FAT3: variants seen among roughly 807,000 people sequenced by gnomAD.
The protein encoded by FAT3 is FAT atypical cadherin 3.
Under a neutral mutation model 310.2 loss-of-function variants are expected in FAT3, and 95 were observed. The ratio of observed to expected loss-of-function variants is 0.31; its 90% CI spans 0.26 to 0.36. The LOEUF is 0.36. Among genes scored for constraint, FAT3 ranks in the 10% least tolerant of loss-of-function variants. The pLI, the probability that FAT3 is intolerant of heterozygous loss-of-function variation, is 1.00. For missense variants in FAT3, 5,408 were observed against 5,715.6 expected (o/e 0.95, Z 1.74); for synonymous variants, 2,314 against 2,192.9 (o/e 1.06, Z -1.54).
chr11:92,668,122 G>C (rs771024864), intron 3 of FAT3, among the ~76,000 whole-genome samples: 3 of 152,154 alleles, frequency 2.0e-5, no homozygotes, highest in Non-Finnish European at 4.4e-5. Context: ...GTGTCTTTAT[G>C]ACTGGAAGGC....
chr11:92,768,333 A>G (rs1946372618), intron 6 of FAT3, among the ~76,000 whole-genome samples: 1 of 152,170 alleles, frequency 6.6e-6, no homozygotes, highest in Non-Finnish European at 1.5e-5. Flanking sequence ...TTTTATTTCC[A>G]TCCCCACATC....
intron 13 of FAT3, among the ~76,000 whole-genome samples, chr11:92,821,744 G>A (rs931208782): frequency 1.3e-5 from 2 of 152,128 alleles, no homozygotes; most frequent in African/African-American, 2.4e-5. Flanking sequence ...GTTCAAAAAC[G>A]TTAAGTGGCC....
intron 3 of FAT3, among the ~76,000 whole-genome samples, chr11:92,578,099 G>A (rs1201813224): frequency 2.0e-5 from 3 of 152,028 alleles, no homozygotes; most frequent in Admixed American, 6.6e-5. Context: ...TAAACTCTAC[G>A]TGTTGTGTTT....
intron 3 of FAT3, among the ~76,000 whole-genome samples, chr11:92,567,860 G>A (rs531301877): frequency 2.7e-5 from 4 of 149,320 alleles, no homozygotes; most frequent in African/African-American, 9.9e-5. Context: ...CACAGGAAGG[G>A]GAAGGGAACA....
At position 92,774,090 on chromosome 11, in the gene FAT3, T is replaced by G. The variant is rs145393950; in HGVS notation, c.4245T>G (p.Ile1415Met). ...AFDAEKGVGT[I>M]VIAKPLDAEQ... ...ATGCAGAGAAGGGTGTTGGGACAAT[T>G]GTCATCGCAAAACCTTTGGATGCAG... Residue 1415 changes from isoleucine to methionine, a missense_variant, in exon 7 of 28, where the codon ATT becomes ATG. Physicochemically the swap from Ile to Met is conservative, Grantham distance 10. This residue lies in a region of FAT3 where 4,588 missense variants were observed against 4,809.8 expected (regional missense o/e 0.95). Coordinates refer to ENST00000525166, the MANE Select transcript of FAT3 (RefSeq NM_001367949.2). 1.3e-4 allele frequency: 214 copies of G among 1,613,776 alleles called. 2 individuals are homozygous for G. In the East Asian group the frequency reaches 2.9e-3, roughly 22 times the overall value.
intron 3 of FAT3, among the ~76,000 whole-genome samples, chr11:92,571,128 A>G (rs1235732226): frequency 6.6e-6 from 1 of 152,212 alleles, no homozygotes; most frequent in Non-Finnish European, 1.5e-5. Flanking sequence ...GTCTAGAAAT[A>G]TGATCATTTT....
chr11:92,288,691 C>T (rs1281655310), intron 1 of FAT3, among the ~76,000 whole-genome samples: 1 of 152,060 alleles, frequency 6.6e-6, no homozygotes, highest in African/African-American at 2.4e-5. Context: ...GCCTTCCCTC[C>T]CCTACTCCTA....
chr11:92,587,763 A>G (rs1227669263), intron 3 of FAT3, among the ~76,000 whole-genome samples: 1 of 151,862 alleles, frequency 6.6e-6, no homozygotes, highest in African/African-American at 2.4e-5. Flanking sequence ...GCTAATATGG[A>G]ACGTGTTCCT....
chr11:92,798,334 A>C lies in FAT3; in HGVS notation c.5321A>C (p.Tyr1774Ser). 2 of 1,613,700 alleles carry C rather than the reference A, an allele frequency of 1.2e-6. No individual in the cohort carries two copies. The highest frequency in any genetic ancestry group is 1.7e-6 in the Non-Finnish European group (2 of 1,179,780). ...DNAPVFLFSQ[Y>S]SGSLSEAAPI... ...GCCCCAGTTTTTCTCTTTTCTCAAT[A>C]CTCAGGCAGCCTAAGTGAGGCTGCC... is the stretch of plus-strand genomic sequence containing the variant. The change falls in exon 10 of 28, where the codon TAC (tyrosine) becomes TCC (serine). Residue 1774 changes from tyrosine (Y) to serine (S), a missense_variant. By Grantham distance (144) the Tyr-to-Ser change is moderately radical. Coordinates refer to ENST00000525166, the MANE Select transcript of FAT3 (RefSeq NM_001367949.2).
At chr11:92,842,680 T>C (rs964858562) in intron 18 of FAT3, among the ~76,000 whole-genome samples, 3 of 152,172 alleles carry the variant, frequency 2.0e-5, no homozygotes, top group African/African-American at 7.2e-5. Flanking sequence ...AAGACCAGCC[T>C]TGGCAACATA....
In FAT3 at chr11:92,592,137, T is replaced by C. The variant is rs182315667; in HGVS notation, c.3607+67189T>C. On this transcript the variant is annotated intron_variant, in intron 3 of 27. Transcript: ENST00000525166. ...GAGTATATAGGAACTCTGTAACTTA[T>C]GCTCAGTTTTTCTGTAAACCTAGAA... is the stretch of plus-strand genomic sequence containing the variant. 5.3e-5 allele frequency among the ~76,000 whole-genome samples: 8 copies of C among 152,192 alleles called. No individual in the cohort carries two copies. The East Asian group carries it at 1.5e-3, about 29-fold the overall frequency.
intron 2 of FAT3, among the ~76,000 whole-genome samples, chr11:92,421,535 T>TTG (rs1950533904): frequency 1.3e-5 from 2 of 152,220 alleles, no homozygotes; most frequent in African/African-American, 4.8e-5. Context: ...AATTGAGCAA[T>TTG]TGTGTGCTTA....
chr11:92,360,944 C>T (rs191382275), intron 2 of FAT3, among the ~76,000 whole-genome samples: 101 of 152,266 alleles, frequency 6.6e-4, no homozygotes, highest in Middle Eastern at 3.4e-3. Context: ...TCCTTCTTTT[C>T]CAGTCCAGCA....
intron 2 of FAT3, among the ~76,000 whole-genome samples, chr11:92,522,557 T>C (rs1953721955): frequency 6.6e-6 from 1 of 152,170 alleles, no homozygotes; most frequent in Non-Finnish European, 1.5e-5. Context: ...ACCACACTCC[T>C]ACTAGACTCT....
chr11:92,639,310 G>T (rs1941875249), intron 3 of FAT3, among the ~76,000 whole-genome samples: 1 of 152,112 alleles, frequency 6.6e-6, no homozygotes, highest in African/African-American at 2.4e-5. Context: ...TCTTTTTTAT[G>T]TTGGGGAGCA....
chr11:92,286,213 G>C (rs1044568377), intron 1 of FAT3, among the ~76,000 whole-genome samples: 1 of 152,138 alleles, frequency 6.6e-6, no homozygotes, highest in Admixed American at 6.6e-5. Flanking sequence ...TTATTGCAGA[G>C]GTTCAGTATG....
intron 4 of FAT3, among the ~76,000 whole-genome samples, chr11:92,744,444 A>G (rs1392281181): frequency 6.6e-6 from 1 of 152,228 alleles, no homozygotes; most frequent in Non-Finnish European, 1.5e-5. Context: ...AATGGGTGAT[A>G]TATGTAGCAG....
At chr11:92,361,165 G>A (rs1948872010) in intron 2 of FAT3, among the ~76,000 whole-genome samples, 1 of 152,146 alleles carries the variant, frequency 6.6e-6, no homozygotes, top group African/African-American at 2.4e-5. Flanking sequence ...GGCTGAAGGA[G>A]TACTCACTAT....
intron 2 of FAT3, among the ~76,000 whole-genome samples, chr11:92,419,506 G>C (rs190926009): frequency 6.6e-6 from 1 of 152,122 alleles, no homozygotes; most frequent in Non-Finnish European, 1.5e-5. Context: ...AAAAACTGAA[G>C]ATTCCCATGA....
Sources: allele counts gnomAD v4.1 joint callset (sites outside exome capture counted in the v4.1 genomes callset), GRCh38; gene constraint gnomAD v4.1.1; regional missense constraint gnomAD v4.1.1; transcripts MANE v1.5; gene names NCBI Gene and HGNC (gene_info 2026-07-23, HGNC 2026-07-21).